The following NR2C2 variants were observed in gnomAD, a reference collection of about 807,000 sequenced individuals.
NR2C2 encodes the protein nuclear receptor subfamily 2 group C member 2.
NR2C2 carries 6 observed loss-of-function variants against 62.9 expected under a neutral mutation model. The observed-to-expected ratio is 0.10, with a 90% CI of 0.05 to 0.19. NR2C2 has a LOEUF of 0.19. NR2C2 is among the 10% of genes least tolerant of loss of function. The pLI, the probability that NR2C2 is intolerant of heterozygous loss-of-function variation, is 1.00. For missense variants in NR2C2, 479 were observed against 762.7 expected (o/e 0.63, Z 4.38); for synonymous variants, 272 against 273.8 (o/e 0.99, Z 0.07).
At chr3:14,953,725 C>G in intron 1 of NR2C2, among the ~76,000 whole-genome samples, 1 of 152,072 alleles carries the variant, frequency 6.6e-6, no homozygotes, top group East Asian at 1.9e-4. Context: ...GAAACCCCAT[C>G]TCTACTAACA....
chr3:15,035,825 G>A (rs2042088559), intron 11 of NR2C2, among the ~76,000 whole-genome samples: 1 of 152,248 alleles, frequency 6.6e-6, no homozygotes, highest in Admixed American at 6.5e-5. Context: ...TTGGGCGTTC[G>A]AAACCAGCCT....
intron 1 of NR2C2, among the ~76,000 whole-genome samples, chr3:14,967,380 A>G (rs1433439455): frequency 6.6e-6 from 1 of 152,044 alleles, no homozygotes; most frequent in African/African-American, 2.4e-5. Context: ...GCACAGTGAG[A>G]TACTATTTCA....
At chr3:15,032,648 G>C (rs2042010392) in intron 10 of NR2C2, 148 bp downstream of exon 10, 1 of 910,376 alleles carries the variant, frequency 1.1e-6, no homozygotes, top group Non-Finnish European at 1.7e-6. Context: ...AATATAGTTA[G>C]TGGACTGGTA....
intron 9 of NR2C2, 152 bp downstream of exon 9, chr3:15,030,604 G>A: frequency 1.5e-6 from 1 of 688,178 alleles, no homozygotes; most frequent in South Asian, 2.5e-5. Flanking sequence ...AAGGCACGTG[G>A]ATCACTTCAG....
chr3:14,965,691 C>A (rs746916612), intron 1 of NR2C2, among the ~76,000 whole-genome samples: 1 of 151,012 alleles, frequency 6.6e-6, no homozygotes, highest in Non-Finnish European at 1.5e-5. Flanking sequence ...GACAGAGTTT[C>A]GCTCTTGTTG....
In NR2C2 at chr3:15,000,818, T is replaced by G. The variant is rs547688333; in HGVS notation, c.-39-3058T>G. ...AATGTCTTTCTATTTATTTAGGTTT[T>G]TTTTTTTTTTTTTTTTGACGGAGTC... On this transcript the variant is annotated intron_variant, in intron 1 of 13. Coordinates refer to ENST00000425241, the MANE Select transcript of NR2C2 (RefSeq NM_001291694.2). Among the ~76,000 whole-genome samples the G allele has an allele frequency of 2.7e-4, 40 of 149,234 alleles. 1 individual carries two copies. The East Asian group carries it at 6.4e-3, about 24-fold the overall frequency.
At chr3:15,019,955 CTCTA>C (rs1422487525) in intron 4 of NR2C2, among the ~76,000 whole-genome samples, 3 of 152,154 alleles carry the variant, frequency 2.0e-5, no homozygotes, top group East Asian at 1.9e-4. Context: ...GTGATGGTCA[CTCTA>C]TCTGATTTGA....
intron 4 of NR2C2, among the ~76,000 whole-genome samples, chr3:15,017,773 A>C (rs1243332855): frequency 6.6e-6 from 1 of 152,224 alleles, no homozygotes; most frequent in Non-Finnish European, 1.5e-5. Flanking sequence ...CCAGATGCAC[A>C]CTTGGGAAAT....
chr3:15,022,999 T>G (rs1215211523), intron 5 of NR2C2, among the ~76,000 whole-genome samples: 1 of 152,216 alleles, frequency 6.6e-6, no homozygotes, highest in Non-Finnish European at 1.5e-5. Context: ...TCGTGAGGTC[T>G]TTTTTATGCC....
chr3:14,948,262 C>T (rs2039201305), intron 1 of NR2C2: 1 of 152,542 alleles, frequency 6.6e-6, no homozygotes, highest in Admixed American at 6.5e-5. Context: ...TTATCCTCCT[C>T]CTCCTCCCGC....
chr3:15,037,399 C>T (rs556407855), intron 11 of NR2C2, among the ~76,000 whole-genome samples: 56 of 152,114 alleles, frequency 3.7e-4, no homozygotes, highest in African/African-American at 1.3e-3. Context: ...GAGTATAATA[C>T]TAATACTGCC....
Position 14,997,232 on chromosome 3 carries a change from C to CTAGGGGCA in NR2C2, c.-39-6643_-39-6636dup, listed in dbSNP as rs562845113. Among the ~76,000 whole-genome samples, 11 of 152,296 alleles carry CTAGGGGCA rather than the reference C, an allele frequency of 7.2e-5. No individual in the cohort carries two copies. The South Asian group carries it at 2.3e-3, about 32-fold the overall frequency. ...GTCACATGCTGTACAGGTTTGTAGC[C>CTAGGGGCA]TAGGGGCAATAGGCCATACCACATA... is the stretch of plus-strand genomic sequence containing the variant. On this transcript the variant is annotated intron_variant, in intron 1 of 13. Coordinates refer to ENST00000425241, the MANE Select transcript of NR2C2 (RefSeq NM_001291694.2).
chr3:14,975,550 A>G (rs112650759), intron 1 of NR2C2, among the ~76,000 whole-genome samples: 6 of 152,154 alleles, frequency 3.9e-5, no homozygotes, highest in African/African-American at 1.4e-4. Context: ...CCACTCTTGC[A>G]TTTCTTGGAC....
chr3:14,989,325 G>C (rs1480548294), intron 1 of NR2C2, among the ~76,000 whole-genome samples: 1 of 152,156 alleles, frequency 6.6e-6, no homozygotes, highest in Non-Finnish European at 1.5e-5. Context: ...CTGCCAGAAT[G>C]GGAGGCTTCT....
intron 3 of NR2C2, among the ~76,000 whole-genome samples, chr3:15,015,197 T>A (rs1372189167): frequency 2.6e-5 from 4 of 152,256 alleles, no homozygotes; most frequent in African/African-American, 4.8e-5. Context: ...CAAGAGGTGA[T>A]TCTACTTAAT....
At chr3:14,988,958 C>T (rs776877409) in intron 1 of NR2C2, among the ~76,000 whole-genome samples, 4 of 152,142 alleles carry the variant, frequency 2.6e-5, no homozygotes, top group Non-Finnish European at 4.4e-5. Flanking sequence ...GCCTCCTTCT[C>T]CACCCTATGT....
rs758554766 is a variant in NR2C2 at position 15,046,189 on chromosome 3, G to C, written c.*3181G>C. On this transcript the variant is annotated 3_prime_UTR_variant, in exon 14 of 14. Coordinates refer to ENST00000425241, the MANE Select transcript of NR2C2 (RefSeq NM_001291694.2). ...AACCCTTGCCATAAGGCTGTGGTTTGAGGTTCTTTTGCTGTTCTGGGCTTT... is the reference window on the plus strand; with the variant it reads ...AACCCTTGCCATAAGGCTGTGGTTTCAGGTTCTTTTGCTGTTCTGGGCTTT... 2 of 152,216 alleles carry C rather than the reference G, an allele frequency of 1.3e-5. No homozygotes were observed. The highest frequency in any genetic ancestry group is 2.4e-5 in the African/African-American group (1 of 41,464). 9.4% of individuals were successfully genotyped at this position (152,216 alleles called of 1,614,324 possible). A position where few individuals can be genotyped will look rare whatever the true frequency, so the allele number is the denominator to read the frequency against.
At chr3:14,993,189 C>T (rs2040717469) in intron 1 of NR2C2, among the ~76,000 whole-genome samples, 1 of 152,176 alleles carries the variant, frequency 6.6e-6, no homozygotes, top group South Asian at 2.1e-4. Flanking sequence ...CATGGTGGCT[C>T]ACGTCTGTAG....
At chr3:15,010,327 A>T (rs145432973) in intron 2 of NR2C2, among the ~76,000 whole-genome samples, 283 of 151,572 alleles carry the variant, frequency 1.9e-3, no homozygotes, top group African/African-American at 6.4e-3. Context: ...TAAATGGAGG[A>T]TACGGATGTC....
Sources: allele counts gnomAD v4.1 joint callset (sites outside exome capture counted in the v4.1 genomes callset), GRCh38; gene constraint gnomAD v4.1.1; transcripts MANE v1.5; gene names NCBI Gene and HGNC (gene_info 2026-07-23, HGNC 2026-07-21).